Variants in PALM2AKAP2 observed in about 807,000 individuals in gnomAD.
The protein encoded by PALM2AKAP2 is PALM2 and AKAP2 fusion.
PALM2AKAP2 carries 37 observed loss-of-function variants against 71.5 expected under a neutral mutation model. The ratio of observed to expected loss-of-function variants is 0.52; its 90% CI spans 0.40 to 0.68. The LOEUF is 0.68. Ranked by LOEUF, PALM2AKAP2 falls within the 30% of genes least tolerant of loss-of-function variation. PALM2AKAP2 has a pLI of 0.00. For missense variants in PALM2AKAP2, 1,224 were observed against 1,191.8 expected (o/e 1.03, Z -0.40); for synonymous variants, 468 against 478.8 (o/e 0.98, Z 0.29).
intron 1 of PALM2AKAP2, among the ~76,000 whole-genome samples, chr9:109,788,754 G>A (rs1178829192): frequency 6.6e-6 from 1 of 152,232 alleles, no homozygotes; most frequent in Non-Finnish European, 1.5e-5. Context: ...CTTGATTAAT[G>A]AGAGCCTTAA....
At chr9:110,039,814 C>T (rs2132454200) in intron 7 of PALM2AKAP2, among the ~76,000 whole-genome samples, 1 of 152,278 alleles carries the variant, frequency 6.6e-6, no homozygotes, top group African/African-American at 2.4e-5. Flanking sequence ...TCATCAACGC[C>T]TGAGCCCTCT....
At chr9:110,136,092 A>G in intron 1 of PALM2AKAP2, 35 bp from the exon 8 acceptor site, 2 of 1,533,090 alleles carry the variant, frequency 1.3e-6, no homozygotes, top group Non-Finnish European at 1.7e-6. Flanking sequence ...GAGATGCAGT[A>G]TTTAACCCTG....
chr9:110,107,300 C>T (rs567640952), intron 1 of PALM2AKAP2, among the ~76,000 whole-genome samples: 84 of 152,190 alleles, frequency 5.5e-4, no homozygotes, highest in South Asian at 1.5e-3. Context: ...ATGTTAATTG[C>T]CCTGATCTGA....
intron 1 of PALM2AKAP2, among the ~76,000 whole-genome samples, chr9:109,798,971 C>T (rs1319382017): frequency 6.6e-6 from 1 of 152,174 alleles, no homozygotes; most frequent in African/African-American, 2.4e-5. Context: ...CTCCGTTTCC[C>T]CTCCAGGTCA....
intron 1 of PALM2AKAP2, among the ~76,000 whole-genome samples, chr9:110,063,148 T>G (rs1834000687): frequency 6.6e-6 from 1 of 152,214 alleles, no homozygotes. Context: ...TATCCCACCT[T>G]TTCTCCTTTA....
chr9:109,764,386 C>A (rs1488447377), intron 1 of PALM2AKAP2, among the ~76,000 whole-genome samples: 2 of 152,136 alleles, frequency 1.3e-5, no homozygotes, highest in African/African-American at 4.8e-5. Context: ...TTTACACCTC[C>A]TGGCCTTTGC....
At chr9:109,903,298 G>A (rs77195349) in intron 3 of PALM2AKAP2, among the ~76,000 whole-genome samples, 11,762 of 151,554 alleles carry the variant, frequency 0.078, 810 homozygotes, top group East Asian at 0.26. Context: ...GAGGATATGC[G>A]TACCGGGAGG....
At chr9:109,926,525 G>A (rs1454785442) in intron 5 of PALM2AKAP2, among the ~76,000 whole-genome samples, 3 of 152,234 alleles carry the variant, frequency 2.0e-5, no homozygotes, top group African/African-American at 7.2e-5. Flanking sequence ...TTGGGGAATT[G>A]TGGGTACAGC....
chr9:110,056,822 G>A (rs1217639238), intron 1 of PALM2AKAP2, among the ~76,000 whole-genome samples: 1 of 152,086 alleles, frequency 6.6e-6, no homozygotes, highest in East Asian at 1.9e-4. Flanking sequence ...CTTTTGAATG[G>A]AATCACAATG....
At chr9:109,727,073 T>C (rs1362803076) in intron 1 of PALM2AKAP2, among the ~76,000 whole-genome samples, 1 of 152,202 alleles carries the variant, frequency 6.6e-6, no homozygotes, top group Non-Finnish European at 1.5e-5. Flanking sequence ...TCGCAGAAAT[T>C]TTGTGTCAAC....
Position 109,875,347 on chromosome 9 carries a change from C to G in PALM2AKAP2, c.127-5204C>G, listed in dbSNP as rs1484819983. On this transcript the variant is annotated intron_variant, in intron 2 of 9. Coordinates refer to the PALM2AKAP2 transcript ENST00000302798. ...GTCCTGTCTACCTCTTCCTAGGCAG[C>G]ATCATAGTCTGAGATTATCTTGCAT... 2.0e-5 allele frequency among the ~76,000 whole-genome samples: 3 copies of G among 152,214 alleles called. No individual in the cohort carries two copies. The East Asian group carries it at 5.8e-4, about 29-fold the overall frequency.
chr9:109,826,061 G>T, intron 1 of PALM2AKAP2, among the ~76,000 whole-genome samples: 1 of 152,192 alleles, frequency 6.6e-6, no homozygotes, highest in Non-Finnish European at 1.5e-5. Context: ...CATGTCCTTT[G>T]TAGGGACATG....
intron 1 of PALM2AKAP2, among the ~76,000 whole-genome samples, chr9:109,813,653 C>T (rs1827779922): frequency 6.6e-6 from 1 of 152,252 alleles, no homozygotes; most frequent in East Asian, 1.9e-4. Flanking sequence ...GTCTGTGCTG[C>T]AGGTTTAGGG....
At chr9:109,641,571 C>A (rs955112960) in intron 1 of PALM2AKAP2, among the ~76,000 whole-genome samples, 2 of 152,206 alleles carry the variant, frequency 1.3e-5, no homozygotes, top group East Asian at 1.9e-4. Context: ...GGATTCCTCT[C>A]TTCTCTGTGT....
intron 7 of PALM2AKAP2, among the ~76,000 whole-genome samples, chr9:110,042,093 T>G (rs1833518738): frequency 6.6e-6 from 1 of 152,190 alleles, no homozygotes; most frequent in African/African-American, 2.4e-5. Context: ...GACTAACATA[T>G]GCCAGTCTTG....
chr9:109,660,913 A>T (rs183381752), intron 1 of PALM2AKAP2, among the ~76,000 whole-genome samples: 1 of 152,124 alleles, frequency 6.6e-6, no homozygotes, highest in African/African-American at 2.4e-5. Flanking sequence ...TTCTCTGATG[A>T]CCAGTGATGA....
At chr9:109,755,073 AC>A (rs1475873307) in intron 1 of PALM2AKAP2, among the ~76,000 whole-genome samples, 2 of 152,030 alleles carry the variant, frequency 1.3e-5, no homozygotes, top group East Asian at 3.9e-4. Context: ...AGTCTAAGCC[AC>A]CATCACCTCT....
chr9:110,071,844 T>C (rs1312077244), intron 1 of PALM2AKAP2, among the ~76,000 whole-genome samples: 1 of 152,194 alleles, frequency 6.6e-6, no homozygotes, highest in Non-Finnish European at 1.5e-5. Context: ...CACTGTGTTA[T>C]TAACTAACCT....
intron 7 of PALM2AKAP2, among the ~76,000 whole-genome samples, chr9:110,027,812 A>C (rs1833209748): frequency 6.6e-6 from 1 of 152,166 alleles, no homozygotes; most frequent in African/African-American, 2.4e-5. Context: ...CTTTGCTTTT[A>C]AAAAAACATT....
Sources: allele counts gnomAD v4.1 joint callset (sites outside exome capture counted in the v4.1 genomes callset), GRCh38; gene constraint gnomAD v4.1.1; transcripts MANE v1.5; gene names NCBI Gene and HGNC (gene_info 2026-07-23, HGNC 2026-07-21).